ZNF566: variants seen among roughly 807,000 people sequenced by gnomAD.
ZNF566 encodes the protein zinc finger protein 566.
ZNF566 carries 27 observed loss-of-function variants against 32.8 expected under a neutral mutation model. The observed-to-expected ratio is 0.82, with a 90% CI of 0.61 to 1.14. ZNF566 has a LOEUF of 1.14. Among genes scored for constraint, ZNF566 ranks in the 50% most tolerant of loss-of-function variants. ZNF566 has a pLI of 0.00. For missense variants in ZNF566, 402 were observed against 490.4 expected (o/e 0.82, Z 1.70); for synonymous variants, 154 against 159.5 (o/e 0.97, Z 0.26).
At chr19:36,469,215 G>A (rs1280598525) in intron 4 of ZNF566, among the ~76,000 whole-genome samples, 2 of 151,824 alleles carry the variant, frequency 1.3e-5, no homozygotes, top group African/African-American at 2.4e-5. Flanking sequence ...TTATGCAAGG[G>A]TGAAATGACA....
chr19:36,449,233 G>A lies in ZNF566; in HGVS notation c.1001C>T (p.Thr334Ile), dbSNP rs766172145. The change falls in exon 5 of 5, where the codon ACA (threonine) becomes ATA (isoleucine). Residue 334 changes from threonine (T) to isoleucine (I), a missense_variant. By Grantham distance (89) the Thr-to-Ile change is moderately conservative (BLOSUM62 -1). This residue lies in a region of ZNF566 where 135 missense variants were observed against 210.0 expected (regional missense o/e 0.64). Transcript: ENST00000452939. ...SQLIKHQRIH[T>I]GEKPYECKEC... ...CTTACATTCGTAAGGTTTCTCACCT[G>A]TATGGATTCTTTGATGTTTAATAAG... 2.5e-6 allele frequency: 4 copies of A among 1,614,068 alleles called. No individual in the cohort carries two copies. Among genetic ancestry groups the A allele is most frequent in the Non-Finnish European group, 3.4e-6 (4 of 1,180,008 alleles).
chr19:36,482,232 A>G (rs943424219), intron 1 of ZNF566, among the ~76,000 whole-genome samples: 2 of 152,068 alleles, frequency 1.3e-5, no homozygotes, highest in African/African-American at 4.8e-5. Flanking sequence ...CAGCCTCTCC[A>G]GTAGCTGGGA....
Position 36,448,865 on chromosome 19 carries a change from C to A in ZNF566, c.*112G>T. ...TTTCCCAGGCTGAATAAGCTGTAGTCCACAAATAAAATGTTTCTACATTAT... is the reference window on the plus strand; with the variant it reads ...TTTCCCAGGCTGAATAAGCTGTAGTACACAAATAAAATGTTTCTACATTAT... On this transcript the variant is annotated 3_prime_UTR_variant, in exon 5 of 5. Transcript: ENST00000452939. 1.1e-6 allele frequency: 1 copy of A among 912,548 alleles called. No homozygotes were observed. The highest frequency in any genetic ancestry group is 1.6e-6 in the Non-Finnish European group (1 of 631,874). The allele number at this position is 912,548 out of a possible 1,614,324, so 56.5% of individuals were successfully genotyped here.
intron 2 of ZNF566, 84 bp from the exon 3 acceptor site, chr19:36,473,542 T>C: frequency 1.5e-6 from 2 of 1,334,512 alleles, no homozygotes; most frequent in Non-Finnish European, 2.0e-6. Context: ...AAGATTAAGG[T>C]AGAGGAAGTA....
chr19:36,467,219 A>G (rs1198336193), intron 4 of ZNF566, among the ~76,000 whole-genome samples: 1 of 149,852 alleles, frequency 6.7e-6, no homozygotes, highest in Non-Finnish European at 1.5e-5. Flanking sequence ...GCGGATCACG[A>G]GGTCAGGAAT....
At chr19:36,459,814 T>C (rs568563826) in intron 4 of ZNF566, among the ~76,000 whole-genome samples, 25 of 130,378 alleles carry the variant, frequency 1.9e-4, no homozygotes, top group African/African-American at 5.3e-4. Flanking sequence ...CCTGGCCACC[T>C]ATTACTTTTT....
At chr19:36,476,524 T>C in intron 2 of ZNF566, 25 bp downstream of exon 2, 3 of 1,606,370 alleles carry the variant, frequency 1.9e-6, no homozygotes, top group Non-Finnish European at 2.6e-6. Flanking sequence ...TCACTCTATC[T>C]GAGCAAAAGG....
At chr19:36,489,300 T>G (rs930752285) in intron 1 of ZNF566, 186 bp downstream of exon 1, 1 of 209,180 alleles carries the variant, frequency 4.8e-6, no homozygotes, top group East Asian at 1.4e-4. Context: ...GAGGCCGTGC[T>G]GCACACGGTG....
chr19:36,472,639 T>C (rs1252221415), intron 4 of ZNF566, among the ~76,000 whole-genome samples: 2 of 152,022 alleles, frequency 1.3e-5, no homozygotes, highest in East Asian at 1.9e-4. Flanking sequence ...AGGAAGGAAA[T>C]GGATCCAAAA....
At chr19:36,455,683 C>A (rs922858882) in intron 4 of ZNF566, among the ~76,000 whole-genome samples, 1 of 151,816 alleles carries the variant, frequency 6.6e-6, no homozygotes, top group East Asian at 1.9e-4. Flanking sequence ...GAGGTTGCAG[C>A]GAGCCAAGAT....
At chr19:36,479,790 G>A (rs1207955616) in intron 1 of ZNF566, among the ~76,000 whole-genome samples, 2 of 152,156 alleles carry the variant, frequency 1.3e-5, no homozygotes, top group Admixed American at 1.3e-4. Flanking sequence ...ACGCCATCAA[G>A]TCCAGCTAAA....
chr19:36,488,075 C>A (rs1041318294), intron 1 of ZNF566, among the ~76,000 whole-genome samples: 1 of 151,942 alleles, frequency 6.6e-6, no homozygotes, highest in African/African-American at 2.4e-5. Flanking sequence ...AAGATTTGCA[C>A]ACTTTATATA....
At chr19:36,470,098 G>A (rs1319048319) in intron 4 of ZNF566, among the ~76,000 whole-genome samples, 1 of 152,038 alleles carries the variant, frequency 6.6e-6, no homozygotes, top group Non-Finnish European at 1.5e-5. Flanking sequence ...TAAACCTCTA[G>A]GTATCAGGGT....
chr19:36,454,222 A>T (rs765082983), intron 4 of ZNF566, among the ~76,000 whole-genome samples: 9 of 152,174 alleles, frequency 5.9e-5, no homozygotes, highest in Non-Finnish European at 7.4e-5. Context: ...TTATTAACTT[A>T]CAATAGACTG....
chr19:36,475,274 A>G (rs1350820034), intron 2 of ZNF566, among the ~76,000 whole-genome samples: 1 of 152,042 alleles, frequency 6.6e-6, no homozygotes, highest in Non-Finnish European at 1.5e-5. Context: ...CCTGGGTTCA[A>G]GCAAACCACC....
At chr19:36,484,034 G>T (rs2034097715) in intron 1 of ZNF566, among the ~76,000 whole-genome samples, 2 of 152,088 alleles carry the variant, frequency 1.3e-5, no homozygotes, top group South Asian at 4.2e-4. Context: ...CACCACACCT[G>T]GCTAATTTTT....
chr19:36,449,441 TA>T lies in ZNF566; in HGVS notation c.792del (p.Phe264LeufsTer184). 6.2e-7 allele frequency: 1 copy of T among 1,613,810 alleles called. No individual in the cohort carries two copies. Among genetic ancestry groups the T allele is most frequent in the South Asian group, 1.1e-5 (1 of 91,082 alleles). On this transcript the variant is annotated frameshift_variant, in exon 5 of 5. Transcript: ENST00000452939. LOFTEE classifies it high-confidence loss of function. ...PYECKECGKAFSSGSNFTRHQ... is the reference protein window; with the variant it reads ...PYECKECGKAXSSGSNFTRHQ... ...TGTCGAGTGAAGTTTGAACCACTACTAAAGGCTTTCCCACATTCCTTACATT... is the reference window on the plus strand; with the variant it reads ...TGTCGAGTGAAGTTTGAACCACTACTAAGGCTTTCCCACATTCCTTACATT...
chr19:36,478,616 TAA>T (rs10541227), intron 1 of ZNF566, among the ~76,000 whole-genome samples: 36,104 of 140,446 alleles, frequency 0.26, 4,398 homozygotes, highest in South Asian at 0.37. Context: ...CTCATTAATG[TAA>T]AAAAAAAAAA....
intron 1 of ZNF566, among the ~76,000 whole-genome samples, chr19:36,482,453 GT>G (rs1170335489): frequency 2.0e-5 from 3 of 151,902 alleles, no homozygotes; most frequent in African/African-American, 7.3e-5. Flanking sequence ...CAACCAGGAT[GT>G]GGGGGAACCC....
Sources: allele counts gnomAD v4.1 joint callset (sites outside exome capture counted in the v4.1 genomes callset), GRCh38; gene constraint gnomAD v4.1.1; regional missense constraint gnomAD v4.1.1; transcripts MANE v1.5; gene names NCBI Gene and HGNC (gene_info 2026-07-23, HGNC 2026-07-21).